The following SLC23A1 variants were observed in gnomAD, a reference collection of about 807,000 sequenced individuals.
SLC23A1 encodes solute carrier family 23 member 1, also known as Na(+)/L-ascorbic acid transporter 1.
SLC23A1 carries 31 observed loss-of-function variants against 62.5 expected under a neutral mutation model. The observed-to-expected ratio is 0.50, with a 90% CI of 0.37 to 0.67. The LOEUF (loss-of-function observed/expected upper bound fraction) is 0.67. SLC23A1 is among the 30% of genes least tolerant of loss of function. The probability of loss-of-function intolerance (pLI) is 0.00; values close to 1 mark genes in which losing one functional copy is unlikely to be tolerated. For synonymous variants in SLC23A1, 271 were observed against 313.2 expected (o/e 0.87, Z 1.42); for missense variants, 640 against 782.7 (o/e 0.82, Z 2.18).
In SLC23A1 at chr5:139,378,994, G is replaced by C. The variant is rs1350368315; in HGVS notation, c.1073+213C>G. On this transcript the variant is annotated intron_variant, in intron 9 of 14. Coordinates refer to ENST00000348729, the MANE Select transcript of SLC23A1 (RefSeq NM_005847.5). This position sits in a 1 kb window ranked among gnomAD's most constrained non-coding sequence, Gnocchi z 4.5. ...CACATGGAGGGCTGTCAATGACGGT[G>C]GTTCCCTTTGGACTCCACCATCTTC... Among the ~76,000 whole-genome samples, 3 of 152,138 alleles carry C rather than the reference G, an allele frequency of 2.0e-5. No homozygotes were observed. The highest frequency in any genetic ancestry group is 2.9e-5 in the Non-Finnish European group (2 of 68,020).
upstream of SLC23A1, among the ~76,000 whole-genome samples, chr5:139,383,898 C>A (rs1758407319): frequency 6.6e-6 from 1 of 152,210 alleles, no homozygotes; most frequent in Non-Finnish European, 1.5e-5. Flanking sequence ...CACCCTGCAC[C>A]CCTCAGGGTC....
At chr5:139,384,750 C>T (rs1038416224), upstream of SLC23A1, 20 of 985,284 alleles carry the variant, frequency 2.0e-5, no homozygotes, top group Non-Finnish European at 2.3e-5. Flanking sequence ...GGGGCCCACA[C>T]ACCCAGAGCT....
Position 139,373,555 on chromosome 5 carries a change from TG to T in SLC23A1, c.1550-1303del, listed in dbSNP as rs1415420489. Reference sequence around the variant, plus strand: ...AGATCTCAGGTTTTCACAAGAGGGCTGGGATCGACAAAGACTGAAATACTAT... The same window carrying T: ...AGATCTCAGGTTTTCACAAGAGGGCTGGATCGACAAAGACTGAAATACTAT... On this transcript the variant is annotated intron_variant, in intron 13 of 14. Transcript: ENST00000348729. Among the ~76,000 whole-genome samples, 9 of 151,540 alleles carry T rather than the reference TG, an allele frequency of 5.9e-5. No individual in the cohort carries two copies. The East Asian group carries it at 1.5e-3, about 26-fold the overall frequency.
chr5:139,382,257 G>A (rs1758309056), intron 2 of SLC23A1: 3 of 609,302 alleles, frequency 4.9e-6, no homozygotes, highest in Non-Finnish European at 2.9e-6. Flanking sequence ...TGCGGCTTCC[G>A]TGGAGTCGGC....
intron 13 of SLC23A1, among the ~76,000 whole-genome samples, chr5:139,374,435 TC>T (rs1276317486): frequency 6.6e-6 from 1 of 152,088 alleles, no homozygotes; most frequent in Non-Finnish European, 1.5e-5. Flanking sequence ...AGACTCCGTC[TC>T]AAAAACAAAA....
In SLC23A1 at chr5:139,382,251, G is replaced by A; in HGVS notation, c.151-202C>T. On this transcript the variant is annotated intron_variant, in intron 2 of 14. Coordinates refer to ENST00000348729, the MANE Select transcript of SLC23A1 (RefSeq NM_005847.5). ...AATTTCCACTCAAGATATTCCTGCGGCTTCCGTGGAGTCGGCTCTGCTCCC... is the reference window on the plus strand; with the variant it reads ...AATTTCCACTCAAGATATTCCTGCGACTTCCGTGGAGTCGGCTCTGCTCCC... The A allele has an allele frequency of 4.9e-6, 3 of 613,268 alleles. No individual in the cohort carries two copies. In the South Asian group the frequency reaches 5.9e-5, roughly 12 times the overall value. The allele number at this position is 613,268 out of a possible 1,614,324, so 38.0% of individuals were successfully genotyped here. A position where few individuals can be genotyped will look rare whatever the true frequency, so the allele number is the denominator to read the frequency against.
Position 139,378,895 on chromosome 5 carries a change from T to C in SLC23A1, c.1074-211A>G, listed in dbSNP as rs1271523285. 6.6e-6 allele frequency among the ~76,000 whole-genome samples: 1 copy of C among 152,106 alleles called. No homozygotes were observed. The highest frequency in any genetic ancestry group is 1.5e-5 in the Non-Finnish European group (1 of 68,014). ...TGGGTAATTCTGGCCTTCAATTTCC[T>C]CCTGGGATAAATACCGGTGCCCGTC... On this transcript the variant is annotated intron_variant, in intron 9 of 14. Coordinates refer to ENST00000348729, the MANE Select transcript of SLC23A1 (RefSeq NM_005847.5). This position sits in a 1 kb window ranked among gnomAD's most constrained non-coding sequence, Gnocchi z 4.5.
Position 139,380,802 on chromosome 5 carries a change from CG to C in SLC23A1, c.392del (p.Pro131ArgfsTer13). On this transcript the variant is annotated frameshift_variant, in exon 4 of 15. Coordinates refer to ENST00000348729, the MANE Select transcript of SLC23A1 (RefSeq NM_005847.5). LOFTEE classifies it high-confidence loss of function. ...AGACCCCAGAAGTGTACCCACCTTC[CG>C]GGGGGCATTTCCATCTCTCCAGAGC... ...ILALERWKCP[P>X]EEEIYGNWSL... 3.2e-6 allele frequency: 5 copies of C among 1,558,142 alleles called. No homozygotes were observed. The highest frequency in any genetic ancestry group is 4.4e-6 in the Non-Finnish European group (5 of 1,145,502).
chr5:139,368,361 TAAATA>T (rs1206589730), intron 14 of SLC23A1, among the ~76,000 whole-genome samples: 1 of 146,086 alleles, frequency 6.8e-6, no homozygotes, highest in African/African-American at 2.6e-5. Context: ...ACTAAATAAA[TAAATA>T]AAAATACAAA....
chr5:139,385,502 G>T (rs1758480224), upstream of SLC23A1, among the ~76,000 whole-genome samples: 2 of 147,826 alleles, frequency 1.4e-5, no homozygotes, highest in South Asian at 4.3e-4. Flanking sequence ...TCTCGGAGGG[G>T]TGCAGATAGC....
rs893723757 is a variant in SLC23A1 at position 139,373,641 on chromosome 5, G to T, written c.1550-1388C>A. On this transcript the variant is annotated intron_variant, in intron 13 of 14. Coordinates refer to ENST00000348729, the MANE Select transcript of SLC23A1 (RefSeq NM_005847.5). ...CAGCCCAGGCTGAGAACAAACCCAT[G>T]AGTAGCACAAACCAAGTTATGTTCC... is the stretch of plus-strand genomic sequence containing the variant. Among the ~76,000 whole-genome samples the T allele has an allele frequency of 2.6e-4, 39 of 152,210 alleles. 1 individual carries two copies. The highest frequency in any genetic ancestry group is 1.0e-3 in the South Asian group (5 of 4,834).
Position 139,382,493 on chromosome 5 carries a change from T to C in SLC23A1, c.149A>G (p.Gln50Arg), listed in dbSNP as rs1463631693. 1 of 1,600,652 alleles carries C rather than the reference T, an allele frequency of 6.2e-7. No individual in the cohort carries two copies. Among genetic ancestry groups the C allele is most frequent in the Non-Finnish European group, 8.6e-7 (1 of 1,168,116 alleles). Residue 50 changes from glutamine (Q) to arginine (R), a missense_variant and splice_region_variant, in exon 2 of 15, where the codon CAG becomes CGG. By Grantham distance (43) the Gln-to-Arg change is conservative. Transcript: ENST00000348729. The stretch of plus-strand genomic sequence containing the variant: ...GCGGGGAGGCCCTGGGGGACCCACC[T>C]GGAAGCCCAGCAGGATGCACAGGTA... Reference protein sequence around the residue: ...PWYLCILLGFQHYLTCFSGTI... With the variant: ...PWYLCILLGFRHYLTCFSGTI...
chr5:139,380,909 CAG>C (rs762452549), intron 3 of SLC23A1, 23 bp from the exon 4 acceptor site: 1 of 151,468 alleles, frequency 6.6e-6, no homozygotes, highest in East Asian at 1.9e-4. Flanking sequence ...CACAAAGCAA[CAG>C]GGGTGGGGAG....
chr5:139,384,957 T>C (rs981809444), upstream of SLC23A1, among the ~76,000 whole-genome samples: 2 of 152,152 alleles, frequency 1.3e-5, no homozygotes, highest in African/African-American at 4.8e-5. Context: ...TGGAGGGGGC[T>C]GAGTGCAGCT....
chr5:139,373,283 T>C (rs546012194), intron 13 of SLC23A1, among the ~76,000 whole-genome samples: 1 of 152,182 alleles, frequency 6.6e-6, no homozygotes, highest in Non-Finnish European at 1.5e-5. Context: ...ATGCAAGCGA[T>C]TCTCCTGCCT....
At chr5:139,368,619 A>G in intron 14 of SLC23A1, 1 of 716,516 alleles carries the variant, frequency 1.4e-6, no homozygotes, top group South Asian at 1.7e-5. Context: ...AGTCTTACAG[A>G]CTGAGTTCTT....
upstream of SLC23A1, among the ~76,000 whole-genome samples, chr5:139,385,119 G>A (rs529068534): frequency 2.0e-5 from 3 of 152,158 alleles, no homozygotes; most frequent in South Asian, 6.2e-4. Flanking sequence ...TCTAAGTTTC[G>A]GTTTCTGCAT....
In SLC23A1 at chr5:139,380,622, G is replaced by A. The variant is rs114007481; in HGVS notation, c.408C>T (p.Tyr136=). Residue 136 remains tyrosine (Y), a synonymous_variant, in exon 5 of 15, where the codon TAC becomes TAT. Coordinates refer to ENST00000348729, the MANE Select transcript of SLC23A1 (RefSeq NM_005847.5). ...RWKCPPEEEI[Y]GNWSLPLNTS... is the part of the protein sequence containing the mutation. Reference sequence around the variant, plus strand: ...TGTTCAGGGGCAGACTCCAGTTACCGTAGATCTCCTCTGGGGGTAGAGTCA... The same window carrying A: ...TGTTCAGGGGCAGACTCCAGTTACCATAGATCTCCTCTGGGGGTAGAGTCA... The A allele has an allele frequency of 1.6e-4, 254 of 1,613,152 alleles. 5 individuals are homozygous for A. The highest frequency in any genetic ancestry group is 1.5e-3 in the East Asian group (68 of 44,878).
In SLC23A1 at chr5:139,380,628, C is replaced by G. The variant is rs1214949739; in HGVS notation, c.402G>C (p.Glu134Asp). The change falls in exon 5 of 15, where the codon GAG (glutamate) becomes GAC (aspartate). Residue 134 changes from glutamate (E) to aspartate (D), a missense_variant. Coordinates refer to ENST00000348729, the MANE Select transcript of SLC23A1 (RefSeq NM_005847.5). Reference sequence around the variant, plus strand: ...GGGGCAGACTCCAGTTACCGTAGATCTCCTCTGGGGGTAGAGTCAGGGATA... The same window carrying G: ...GGGGCAGACTCCAGTTACCGTAGATGTCCTCTGGGGGTAGAGTCAGGGATA... ...LERWKCPPEE[E>D]IYGNWSLPLN... 1 of 1,612,974 alleles carries G rather than the reference C, an allele frequency of 6.2e-7. No homozygotes were observed. The highest frequency in any genetic ancestry group is 1.1e-5 in the South Asian group (1 of 91,070).
Sources: allele counts gnomAD v4.1 joint callset (sites outside exome capture counted in the v4.1 genomes callset), GRCh38; gene constraint gnomAD v4.1.1; non-coding constraint Gnocchi (gnomAD v3.1); transcripts MANE v1.5; gene names NCBI Gene and HGNC (gene_info 2026-07-23, HGNC 2026-07-21).